ADGRE5: variants seen among roughly 807,000 people sequenced by gnomAD.
The protein encoded by ADGRE5 is CD97 molecule.
ADGRE5 carries 72 observed loss-of-function variants against 100.3 expected under a neutral mutation model. The ratio of observed to expected loss-of-function variants is 0.72; its 90% CI spans 0.59 to 0.87. The LOEUF is 0.87. Among genes scored for constraint, ADGRE5 ranks in the 40% least tolerant of loss-of-function variants. The probability of loss-of-function intolerance (pLI) is 0.00; values close to 1 mark genes in which losing one functional copy is unlikely to be tolerated. For synonymous variants in ADGRE5, 439 were observed against 447.8 expected (o/e 0.98, Z 0.25); for missense variants, 959 against 1,094.7 (o/e 0.88, Z 1.75).
At chr19:14,405,964 T>C in intron 14 of ADGRE5, 25 bp downstream of exon 14, 1 of 1,588,400 alleles carries the variant, frequency 6.3e-7, no homozygotes. Flanking sequence ...CGCTCCCTCC[T>C]GAGCTCTGGG....
Position 14,388,799 on chromosome 19 carries a change from C to T in ADGRE5, c.171C>T (p.Thr57=). ...GCTCTTTTTCTGAGATCATCACCAC[C>T]CCGACGGAGACTTGTGACGGTACAG... The part of the protein sequence containing the change: ...GFSSFSEIIT[T]PTETCDDINE... Residue 57 remains threonine (T), a synonymous_variant, in exon 3 of 20, where the codon ACC becomes ACT. Transcript: ENST00000242786. The T allele has an allele frequency of 6.2e-7, 1 of 1,613,478 alleles. No homozygotes were observed. The highest frequency in any genetic ancestry group is 8.5e-7 in the Non-Finnish European group (1 of 1,179,734).
intron 4 of ADGRE5, among the ~76,000 whole-genome samples, chr19:14,393,733 A>G (rs1361024390): frequency 6.6e-6 from 1 of 152,186 alleles, no homozygotes; most frequent in Non-Finnish European, 1.5e-5. Context: ...GCAGAGATGC[A>G]TATACCTGGG....
chr19:14,389,692 C>T (rs1270731228), intron 3 of ADGRE5, among the ~76,000 whole-genome samples: 3 of 147,172 alleles, frequency 2.0e-5, no homozygotes, highest in African/African-American at 5.0e-5. Flanking sequence ...GCCGAGATTG[C>T]GCCACTGCAC....
chr19:14,407,368 A>G (rs1976305169), intron 18 of ADGRE5, 139 bp downstream of exon 18: 1 of 1,004,134 alleles, frequency 1.0e-6, no homozygotes, highest in South Asian at 1.6e-5. Context: ...AAAAAAATTC[A>G]AAGATAGCCA....
intron 12 of ADGRE5, 65 bp from the exon 13 acceptor site, chr19:14,404,318 C>T: frequency 6.7e-7 from 1 of 1,483,140 alleles, no homozygotes; most frequent in Admixed American, 2.1e-5. Flanking sequence ...TTAGACTCAG[C>T]CCAAGCCCAG....
chr19:14,397,024 G>A lies in ADGRE5; in HGVS notation c.479-53G>A, dbSNP rs147401645. On this transcript the variant is annotated intron_variant, in intron 5 of 19. Coordinates refer to ENST00000242786, the MANE Select transcript of ADGRE5 (RefSeq NM_078481.4). ...AGGGGAGTGGGTGCAGTGAGTGGAGGGCAGGCCCAGGCTGGTCAGGGACAG... is the reference window on the plus strand; with the variant it reads ...AGGGGAGTGGGTGCAGTGAGTGGAGAGCAGGCCCAGGCTGGTCAGGGACAG... 4.5e-3 allele frequency: 6,906 copies of A among 1,524,656 alleles called. 244 individuals carry two copies. In the African/African-American group the frequency reaches 0.08, roughly 18 times the overall value. The allele number at this position is 1,524,656 out of a possible 1,614,324, so 94.4% of individuals were successfully genotyped here.
At chr19:14,390,373 G>A (rs1975557758) in intron 3 of ADGRE5, among the ~76,000 whole-genome samples, 1 of 150,584 alleles carries the variant, frequency 6.6e-6, no homozygotes, top group Non-Finnish European at 1.5e-5. Context: ...ACCCAGGCTG[G>A]AGTGCAGTGA....
In ADGRE5 at chr19:14,407,932, G is replaced by C. The variant is rs1454179583; in HGVS notation, c.2401G>C (p.Ala801Pro). 1.9e-5 allele frequency: 31 copies of C among 1,614,112 alleles called. No homozygotes were observed. Among genetic ancestry groups the C allele is most frequent in the Non-Finnish European group, 2.6e-5 (31 of 1,180,028 alleles). Residue 801 changes from alanine (A) to proline (P), a missense_variant, in exon 19 of 20, where the codon GCC becomes CCC. Ala to Pro is a conservative substitution (Grantham distance 27, BLOSUM62 -1). Transcript: ENST00000242786. The stretch of plus-strand genomic sequence containing the variant: ...GGTTCGGGAAGAATACCGGAAGTGG[G>C]CCTGCCTAGTTGCTGGGGGGAGCAA... ...KKVREEYRKW[A>P]CLVAGGSKYS...
chr19:14,388,852 C>T (rs191864781), intron 3 of ADGRE5, 34 bp downstream of exon 3: 71 of 1,592,474 alleles, frequency 4.5e-5, no homozygotes, highest in South Asian at 2.8e-4. Context: ...AGGGGACATC[C>T]GCGATTATGA....
At position 14,381,649 on chromosome 19, in the gene ADGRE5, G is replaced by C. The variant is rs940216170; in HGVS notation, c.22+104G>C. On this transcript the variant is annotated intron_variant, in intron 1 of 19. Transcript: ENST00000242786. The stretch of plus-strand genomic sequence containing the variant: ...CGCCGCTGGTGTCTGTGGGGCCTGC[G>C]ATAGAGGAAGCCACATGGTCAAGCA... 26 of 1,341,596 alleles carry C rather than the reference G, an allele frequency of 1.9e-5. No homozygotes were observed. In the African/African-American group the frequency reaches 3.8e-4, roughly 20 times the overall value. 83.1% of individuals were successfully genotyped at this position (1,341,596 alleles called of 1,614,324 possible).
At chr19:14,398,510 A>G (rs1461515023) in intron 9 of ADGRE5, among the ~76,000 whole-genome samples, 1 of 49,910 alleles carries the variant, frequency 2.0e-5, no homozygotes. Flanking sequence ...CTCTACTAAC[A>G]ATACAAAAAA....
At chr19:14,390,086 G>A (rs559111830) in intron 3 of ADGRE5, among the ~76,000 whole-genome samples, 6 of 126,262 alleles carry the variant, frequency 4.8e-5, no homozygotes, top group East Asian at 5.7e-4. Flanking sequence ...CAAAAAAAAA[G>A]AGAAGAAAAG....
intron 3 of ADGRE5, among the ~76,000 whole-genome samples, chr19:14,390,585 A>T (rs1975566706): frequency 6.6e-6 from 1 of 152,020 alleles, no homozygotes; most frequent in African/African-American, 2.4e-5. Context: ...CAGCCTCCCA[A>T]AATGCTGGGA....
chr19:14,401,467 G>A lies in ADGRE5; in HGVS notation c.979G>A (p.Ala327Thr), dbSNP rs771266840. 1.1e-5 allele frequency: 17 copies of A among 1,614,154 alleles called. No homozygotes were observed. Among genetic ancestry groups the A allele is most frequent in the Middle Eastern group, 3.3e-4 (2 of 6,062 alleles). Reference protein sequence around the residue: ...ALAPPVRHLIATQLLSNLEDI... With the variant: ...ALAPPVRHLITTQLLSNLEDI... The stretch of plus-strand genomic sequence containing the variant: ...GGCGCCACCTGTCCGGCACCTCATA[G>A]CCACCCAGCTGCTCTCAAACCTTGA... Residue 327 changes from alanine to threonine, a missense_variant, in exon 10 of 20, where the codon GCC (alanine) becomes ACC (threonine). Ala to Thr is a moderately conservative substitution (Grantham distance 58). Around this residue, in one of 6 missense-constraint regions of ADGRE5, gnomAD observed 246 missense variants for 242.2 expected, o/e 1.02. Transcript: ENST00000242786. The surrounding 1 kb of genome is among the most constrained non-coding windows in gnomAD (Gnocchi z 4.1).
Position 14,406,446 on chromosome 19 carries a change from A to C in ADGRE5, c.1937A>C (p.Gln646Pro). The change falls in exon 15 of 20, where the codon CAA (glutamine) becomes CCA (proline). Residue 646 changes from glutamine to proline, a missense_variant. Gln to Pro is a moderately conservative substitution (Grantham distance 76). Around this residue, in one of 6 missense-constraint regions of ADGRE5, gnomAD observed 428 missense variants for 386.2 expected, o/e 1.11. Coordinates refer to ENST00000242786, the MANE Select transcript of ADGRE5 (RefSeq NM_078481.4). The surrounding 1 kb of genome is among the most constrained non-coding windows in gnomAD (Gnocchi z 6.0). ...TACTTTCTTGTGGTGCGCGTGTTCC[A>C]AGGCCAGGGCCTGAGTACGCGCTGG... ...ELYFLVVRVF[Q>P]GQGLSTRWLC... 1 of 1,582,820 alleles carries C rather than the reference A, an allele frequency of 6.3e-7. No homozygotes were observed. The highest frequency in any genetic ancestry group is 8.6e-7 in the Non-Finnish European group (1 of 1,164,712).
At position 14,406,826 on chromosome 19, in the gene ADGRE5, C is replaced by A; in HGVS notation, c.2116-43C>A. 3 of 1,610,824 alleles carry A rather than the reference C, an allele frequency of 1.9e-6. No individual in the cohort carries two copies. The highest frequency in any genetic ancestry group is 2.5e-6 in the Non-Finnish European group (3 of 1,176,936). On this transcript the variant is annotated intron_variant, in intron 16 of 19. Coordinates refer to ENST00000242786, the MANE Select transcript of ADGRE5 (RefSeq NM_078481.4). The surrounding 1 kb of genome is among the most constrained non-coding windows in gnomAD (Gnocchi z 6.0). ...CGCCACAGGCCCAGGCCCGGCTGGA[C>A]CATCGCTCTCGCCCTCTAACCCACA...
At chr19:14,395,786 G>A (rs1390396259) in intron 4 of ADGRE5, among the ~76,000 whole-genome samples, 3 of 152,082 alleles carry the variant, frequency 2.0e-5, no homozygotes, top group East Asian at 3.9e-4. Context: ...ACATCATCCC[G>A]CACTCTCCCC....
intron 4 of ADGRE5, chr19:14,396,129 G>A: frequency 1.3e-6 from 1 of 741,130 alleles, no homozygotes; most frequent in Non-Finnish European, 2.1e-6. Context: ...GGAAGGCAGA[G>A]GAGAAGGGGA....
At position 14,401,677 on chromosome 19, in the gene ADGRE5, G is replaced by A. The variant is rs2230748; in HGVS notation, c.1100G>A (p.Arg367Gln). The A allele has an allele frequency of 0.14, 227,672 of 1,592,034 alleles. 20,596 individuals are homozygous for A. The highest frequency in any genetic ancestry group is 0.44 in the East Asian group (19,845 of 44,624). Reference sequence around the variant, plus strand: ...GAGCTGACCCTGATGATCCAGGAGCGGGGGGACAAGAACGTCACTATGGGT... The same window carrying A: ...GAGCTGACCCTGATGATCCAGGAGCAGGGGGACAAGAACGTCACTATGGGT... ...NTELTLMIQE[R>Q]GDKNVTMGQS... The change falls in exon 11 of 20, where the codon CGG becomes CAG. Residue 367 changes from arginine to glutamine, a missense_variant. Arg to Gln is a conservative substitution (Grantham distance 43, BLOSUM62 1). Coordinates refer to ENST00000242786, the MANE Select transcript of ADGRE5 (RefSeq NM_078481.4). The surrounding 1 kb of genome is among the most constrained non-coding windows in gnomAD (Gnocchi z 4.1).
Sources: gnomAD v4.1 joint callset for allele counts (sites outside exome capture counted in the v4.1 genomes callset) on GRCh38, gnomAD v4.1.1 for gene constraint, gnomAD v4.1.1 regional missense constraint, Gnocchi (gnomAD v3.1) non-coding constraint, MANE v1.5 for transcripts, NCBI Gene and HGNC (gene_info 2026-07-23, HGNC 2026-07-21) for gene names.